Variants in SSR1 observed in about 807,000 individuals in gnomAD.
The protein encoded by SSR1 is translocon-associated protein subunit alpha.
Under a neutral mutation model 36.1 loss-of-function variants are expected in SSR1, and 13 were observed. The observed-to-expected ratio is 0.36, with a 90% CI of 0.23 to 0.57. The LOEUF is 0.57. Among genes scored for constraint, SSR1 ranks in the 20% least tolerant of loss-of-function variants. The probability of loss-of-function intolerance (pLI) is 0.81; values close to 1 mark genes in which losing one functional copy is unlikely to be tolerated. For missense variants in SSR1, 291 were observed against 338.5 expected (o/e 0.86, Z 1.10); for synonymous variants, 113 against 118.9 (o/e 0.95, Z 0.32).
In SSR1 at chr6:7,288,790, G is replaced by A. The variant is rs1391605663; in HGVS notation, c.*1074C>T. The A allele has an allele frequency of 1.3e-5, 2 of 152,412 alleles. No individual in the cohort carries two copies. Among genetic ancestry groups the A allele is most frequent in the Non-Finnish European group, 2.9e-5 (2 of 68,016 alleles). The allele number at this position is 152,412 out of a possible 1,614,324, so 9.4% of individuals were successfully genotyped here. On this transcript the variant is annotated 3_prime_UTR_variant, in exon 8 of 8. Transcript: ENST00000244763. ...AATTTAATTTTGGTTCCAGTCTCAA[G>A]CACTTAAGAACAATTTTTGGAATCT...
chr6:7,292,277 T>A (rs1381034748), intron 7 of SSR1, among the ~76,000 whole-genome samples: 2 of 152,182 alleles, frequency 1.3e-5, no homozygotes, highest in African/African-American at 4.8e-5. Context: ...ATGCTTCTCT[T>A]TCCTAGATTA....
chr6:7,312,285 C>G (rs765371158), intron 1 of SSR1, among the ~76,000 whole-genome samples: 1 of 152,182 alleles, frequency 6.6e-6, no homozygotes, highest in African/African-American at 2.4e-5. Context: ...TAAAAACACT[C>G]GAAGTAGGCC....
chr6:7,309,610 G>A (rs1161431253), intron 2 of SSR1, among the ~76,000 whole-genome samples: 1 of 152,204 alleles, frequency 6.6e-6, no homozygotes, highest in Non-Finnish European at 1.5e-5. Flanking sequence ...CACGGGGACG[G>A]TTACCTCCAT....
chr6:7,310,426 A>G (rs1758164823), intron 1 of SSR1, among the ~76,000 whole-genome samples: 2 of 152,128 alleles, frequency 1.3e-5, no homozygotes, highest in South Asian at 4.1e-4. Flanking sequence ...ATGTGGTTTA[A>G]CTTCAAAAAG....
At position 7,282,811 on chromosome 6, in the gene SSR1, A is replaced by G. The variant is rs1757457167; in HGVS notation, c.*7053T>C. On this transcript the variant is annotated 3_prime_UTR_variant, in exon 8 of 8. Transcript: ENST00000244763. ...GCAGCTTGTAGGACCAAATGAGAAA[A>G]ATACATAATCATTATGTTTTAGCCA... 6.6e-6 allele frequency: 1 copy of G among 152,242 alleles called. No homozygotes were observed. Among genetic ancestry groups the G allele is most frequent in the African/African-American group, 2.4e-5 (1 of 41,464 alleles). The allele number at this position is 152,242 out of a possible 1,614,324, so 9.4% of individuals were successfully genotyped here.
At chr6:7,306,519 T>C (rs564413905) in intron 2 of SSR1, among the ~76,000 whole-genome samples, 1 of 152,074 alleles carries the variant, frequency 6.6e-6, no homozygotes, top group Non-Finnish European at 1.5e-5. Context: ...CAAAAACCTC[T>C]CTCATTTCTA....
At chr6:7,298,654 C>T (rs986670089) in intron 5 of SSR1, 93 bp downstream of exon 5, 23 of 896,092 alleles carry the variant, frequency 2.6e-5, no homozygotes, top group Admixed American at 2.5e-4. Flanking sequence ...TTCATTCCAT[C>T]GTCAACATCT....
Position 7,309,903 on chromosome 6 carries a change from T to C in SSR1, c.192+14A>G, listed in dbSNP as rs1185303907. 4 of 1,553,226 alleles carry C rather than the reference T, an allele frequency of 2.6e-6. No homozygotes were observed. In the Admixed American group the frequency reaches 6.7e-5, roughly 26 times the overall value. ...CATACATTTTACATATATTAAATAG[T>C]ATGTAACACTAACCAAATCTGTGGG... On this transcript the variant is annotated intron_variant, in intron 2 of 7. Transcript: ENST00000244763.
intron 6 of SSR1, chr6:7,297,028 C>T (rs2113282175): frequency 4.8e-6 from 1 of 208,808 alleles, no homozygotes; most frequent in South Asian, 4.7e-5. Context: ...CGAGACCAGC[C>T]TGGGCAACAT....
At chr6:7,291,275 G>A (rs9502585) in intron 7 of SSR1, among the ~76,000 whole-genome samples, 56,152 of 151,818 alleles carry the variant, frequency 0.37, 10,468 homozygotes, top group South Asian at 0.43. Flanking sequence ...GTACACGCCT[G>A]TGATCTCAGC....
chr6:7,301,877 A>AAGC (rs3837023), intron 3 of SSR1, among the ~76,000 whole-genome samples: 13,861 of 152,194 alleles, frequency 0.091, 972 homozygotes, highest in East Asian at 0.33. Flanking sequence ...TGAAATAATC[A>AAGC]AGCAGCAGGG....
At chr6:7,311,661 C>G (rs1758197223) in intron 1 of SSR1, among the ~76,000 whole-genome samples, 1 of 152,102 alleles carries the variant, frequency 6.6e-6, no homozygotes, top group Non-Finnish European at 1.5e-5. Context: ...AATATAAAGG[C>G]CTTTCATAAA....
At chr6:7,307,640 C>G (rs888557935) in intron 2 of SSR1, among the ~76,000 whole-genome samples, 2 of 152,332 alleles carry the variant, frequency 1.3e-5, no homozygotes, top group Admixed American at 1.3e-4. Flanking sequence ...CTTCTGGGCT[C>G]AAGTGATCCT....
Position 7,285,037 on chromosome 6 carries a change from G to A in SSR1, c.*4827C>T, listed in dbSNP as rs986427939. 3.3e-5 allele frequency: 5 copies of A among 152,130 alleles called. No homozygotes were observed. Among genetic ancestry groups the A allele is most frequent in the African/African-American group, 1.2e-4 (5 of 41,414 alleles). The allele number at this position is 152,130 out of a possible 1,614,324, so 9.4% of individuals were successfully genotyped here. ...CTTACGAACCATACTAACTCACATG[G>A]AAGAATGGCAAATGAAAACTGGCCC... On this transcript the variant is annotated 3_prime_UTR_variant, in exon 8 of 8. Transcript: ENST00000244763. The surrounding 1 kb of genome is among the most constrained non-coding windows in gnomAD (Gnocchi z 4.1).
intron 1 of SSR1, among the ~76,000 whole-genome samples, chr6:7,310,636 C>T (rs539561580): frequency 1.4e-3 from 219 of 152,276 alleles, no homozygotes; most frequent in Non-Finnish European, 2.4e-3. Context: ...TCTTGGCCGG[C>T]GCGGTGGCTC....
chr6:7,303,401 GTTTA>G (rs1230970602), intron 3 of SSR1, 145 bp downstream of exon 3: 1 of 462,128 alleles, frequency 2.2e-6, no homozygotes, highest in African/African-American at 2.0e-5. Context: ...TTTCCCCTTG[GTTTA>G]TTTTTTATTG....
intron 7 of SSR1, chr6:7,295,082 C>A (rs1186350103): frequency 2.0e-6 from 3 of 1,513,676 alleles, no homozygotes; most frequent in Non-Finnish European, 2.6e-6. Context: ...AAATTAAATG[C>A]CTCACCTCTT....
rs1390440714 is a variant in SSR1 at position 7,289,871 on chromosome 6, T to G, written c.854A>C (p.Asp285Ala). The change falls in exon 8 of 8, where the codon GAT becomes GCT. Residue 285 changes from aspartate to alanine, a missense_variant. Coordinates refer to ENST00000244763, the MANE Select transcript of SSR1 (RefSeq NM_003144.5). ...TGTTGCACAAAGGAACATTTACTCATCAGATCCCACTGATCTCTTCTGTGC... is the reference window on the plus strand; with the variant it reads ...TGTTGCACAAAGGAACATTTACTCAGCAGATCCCACTGATCTCTTCTGTGC... ...KRAQKRSVGS[D>A]E 6.4e-7 allele frequency: 1 copy of G among 1,567,058 alleles called. No individual in the cohort carries two copies. Among genetic ancestry groups the G allele is most frequent in the Non-Finnish European group, 8.6e-7 (1 of 1,163,896 alleles).
At chr6:7,295,828 T>C (rs1757783395) in intron 6 of SSR1, among the ~76,000 whole-genome samples, 1 of 152,194 alleles carries the variant, frequency 6.6e-6, no homozygotes, top group African/African-American at 2.4e-5. Flanking sequence ...AAAGAATAAA[T>C]CTTCATCACA....
Sources: allele counts gnomAD v4.1 joint callset (sites outside exome capture counted in the v4.1 genomes callset), GRCh38; gene constraint gnomAD v4.1.1; non-coding constraint Gnocchi (gnomAD v3.1); transcripts MANE v1.5; gene names NCBI Gene and HGNC (gene_info 2026-07-23, HGNC 2026-07-21).